BOP1: variants seen among roughly 807,000 people sequenced by gnomAD.
The protein encoded by BOP1 is BOP1 ribosomal biogenesis factor.
In BOP1, 54 loss-of-function variants were observed where a neutral mutation model predicts 82.9. That is an observed-to-expected ratio of 0.65 (90% CI 0.52 to 0.82). The LOEUF is 0.82. BOP1 is among the 40% of genes least tolerant of loss of function. The probability of loss-of-function intolerance (pLI) is 0.00; values close to 1 mark genes in which losing one functional copy is unlikely to be tolerated. For synonymous variants in BOP1, 566 were observed against 451.1 expected, an observed-to-expected ratio of 1.25 and a Z score of -3.23; for missense variants, 1,170 against 1,072.0, an observed-to-expected ratio of 1.09 and a Z score of -1.28.
chr8:144,263,949 T>A, intron 8 of BOP1, 32 bp downstream of exon 8: 1 of 1,611,318 alleles, frequency 6.2e-7, no homozygotes. Flanking sequence ...TTGCCCCCTG[T>A]GCCACCCCCC....
At chr8:144,286,258 T>C (rs1433450710) in intron 2 of BOP1, among the ~76,000 whole-genome samples, 2 of 152,224 alleles carry the variant, frequency 1.3e-5, no homozygotes, top group African/African-American at 2.4e-5. Flanking sequence ...GATCACACTT[T>C]AGAACTGAAA....
Position 144,263,989 on chromosome 8 carries a change from T to G in BOP1, c.1132A>C (p.Lys378Gln). The G allele has an allele frequency of 6.2e-7, 1 of 1,609,656 alleles. No individual in the cohort carries two copies. The highest frequency in any genetic ancestry group is 8.5e-7 in the Non-Finnish European group (1 of 1,179,732). The change falls in exon 8 of 16, where the codon AAG becomes CAG. Residue 378 changes from lysine (K) to glutamine (Q), a missense_variant. By Grantham distance (53) the Lys-to-Gln change is moderately conservative (BLOSUM62 1). Transcript: ENST00000569669. ...GTGCCACCCCCACACACCCTCATCT[T>G]GCGCTGCCGTGGGCACAGGTACAGG... ...LDLYLCPRQR[K>Q]MRVNVDPEDL...
rs1296600387 is a variant in BOP1, at chr8:144,266,480, G to A, written c.391-1409C>T. ...CCCGGGACGCACATGTGCGCGCGAC[G>A]CCCGGCAGCTGCCACCGCGGGGCGC... On this transcript the variant is annotated intron_variant, in intron 3 of 15. Coordinates refer to ENST00000569669, the MANE Select transcript of BOP1 (RefSeq NM_015201.5). 87 of 984,894 alleles carry A rather than the reference G, an allele frequency of 8.8e-5. No individual in the cohort carries two copies. In the African/African-American group the frequency reaches 1.4e-3, roughly 16 times the overall value. 61.0% of individuals were successfully genotyped at this position (984,894 alleles called of 1,614,324 possible). A position where few individuals can be genotyped will look rare whatever the true frequency, so the allele number is the denominator to read the frequency against.
chr8:144,274,861 CAAATATAA>C (rs1227186021), intron 3 of BOP1, among the ~76,000 whole-genome samples: 1 of 152,200 alleles, frequency 6.6e-6, no homozygotes, highest in African/African-American at 2.4e-5. Flanking sequence ...CTCAAAATAC[CAAATATAA>C]AAAAGTAGCC....
chr8:144,265,096 G>C (rs1688016587), intron 3 of BOP1, 25 bp from the exon 4 acceptor site: 4 of 1,599,870 alleles, frequency 2.5e-6, no homozygotes, highest in African/African-American at 2.7e-5. Flanking sequence ...CACCATGTCG[G>C]CATCTGATCC....
chr8:144,264,118 G>A lies in BOP1; in HGVS notation c.1003C>T (p.Pro335Ser). 6.2e-7 allele frequency: 1 copy of A among 1,610,470 alleles called. No homozygotes were observed. The change falls in exon 8 of 16, where the codon CCA (proline) becomes TCA (serine). Residue 335 changes from proline (P) to serine (S), a missense_variant. By Grantham distance (74) the Pro-to-Ser change is moderately conservative. Transcript: ENST00000569669. ...EERLAWEQQE[P>S]GERKLSFLPR... The stretch of plus-strand genomic sequence containing the variant: ...AAAAAGCTCAGCTTCCTCTCGCCTG[G>A]CTCCTGCTGTTCCCACGCCAAGCGC...
rs774019265 is a variant in BOP1 at position 144,270,716 on chromosome 8, G to T, written c.390+5508C>A. 1.8e-4 allele frequency among the ~76,000 whole-genome samples: 27 copies of T among 152,238 alleles called. 1 individual carries two copies. Among genetic ancestry groups the T allele is most frequent in the African/African-American group, 6.5e-4 (27 of 41,548 alleles). ...AATCCACTCGTAGCTCACAGCCGCC[G>T]GGCAGACGAGTGGCAGGTGCTCCCT... On this transcript the variant is annotated intron_variant, in intron 3 of 15. Transcript: ENST00000569669.
chr8:144,283,651 C>A lies in BOP1; in HGVS notation c.309+5444G>T, dbSNP rs375514437. 1.4e-4 allele frequency among the ~76,000 whole-genome samples: 22 copies of A among 152,158 alleles called. No individual in the cohort carries two copies. The East Asian group carries it at 2.1e-3, about 15-fold the overall frequency. ...TTTTATTTTTATTTTTTCAGTTAAG[C>A]CCAGCTGTGCGAGCCTCATTCTTAA... On this transcript the variant is annotated intron_variant, in intron 2 of 15. Transcript: ENST00000569669.
chr8:144,276,079 C>G (rs1845563850), intron 3 of BOP1, 145 bp downstream of exon 3: 1 of 898,552 alleles, frequency 1.1e-6, no homozygotes, highest in African/African-American at 1.6e-5. Flanking sequence ...GCAGGACGCC[C>G]ACGTGGGCCT....
rs931425958 is a variant in BOP1 at position 144,264,134 on chromosome 8, C to T, written c.987G>A (p.Ala329=). The T allele has an allele frequency of 1.7e-4, 268 of 1,610,614 alleles. No individual in the cohort carries two copies. The highest frequency in any genetic ancestry group is 1.9e-4 in the Non-Finnish European group (221 of 1,179,358). Residue 329 remains alanine, a synonymous_variant, in exon 8 of 16, where the codon GCG becomes GCA. Transcript: ENST00000569669. The part of the protein sequence containing the change: ...EYLLSEEERL[A]WEQQEPGERK... ...TCTCGCCTGGCTCCTGCTGTTCCCA[C>T]GCCAAGCGCTGTGGAGACCAAGACA...
intron 2 of BOP1, among the ~76,000 whole-genome samples, chr8:144,285,267 G>A (rs1311260146): frequency 1.3e-5 from 2 of 152,186 alleles, no homozygotes; most frequent in East Asian, 3.9e-4. Flanking sequence ...TCCCTGAGGT[G>A]TCCGTGACAT....
rs1046371537 is a variant in BOP1, at chr8:144,262,134, G to A, written c.*30C>T. The A allele has an allele frequency of 3.8e-5, 62 of 1,611,118 alleles. No individual in the cohort carries two copies. The highest frequency in any genetic ancestry group is 1.9e-4 in the Middle Eastern group (1 of 5,292). On this transcript the variant is annotated 3_prime_UTR_variant, in exon 16 of 16. Transcript: ENST00000569669. ...GTAAAGGCTCTGTTGACTTCAGCACGACCACCCCAGCCCCAGGCAGGCAGA... is the reference window on the plus strand; with the variant it reads ...GTAAAGGCTCTGTTGACTTCAGCACAACCACCCCAGCCCCAGGCAGGCAGA...
rs1262947198 is a variant in BOP1, at chr8:144,263,288, G to A, written c.1538C>T (p.Ala513Val). 2.9e-5 allele frequency: 46 copies of A among 1,594,140 alleles called. No individual in the cohort carries two copies. Among genetic ancestry groups the A allele is most frequent in the Middle Eastern group, 4.4e-4 (2 of 4,578 alleles). ...VPPEEPPLQP[A>V]RWLEASEEER... The stretch of plus-strand genomic sequence containing the variant: ...CTCCTCTGAGGCCTCCAGCCAGCGG[G>A]CCGGCTGCAAGGGGGGCTCCTCAGG... The change falls in exon 12 of 16, where the codon GCC (alanine) becomes GTC (valine). Residue 513 changes from alanine to valine, a missense_variant. Coordinates refer to ENST00000569669, the MANE Select transcript of BOP1 (RefSeq NM_015201.5).
intron 3 of BOP1, chr8:144,266,801 G>A (rs1845380253): frequency 3.5e-6 from 4 of 1,135,052 alleles, no homozygotes; most frequent in African/African-American, 1.7e-5. Context: ...CGGGCCGGGG[G>A]CGGGGGGCCA....
In BOP1 at chr8:144,291,282, G is replaced by T; in HGVS notation, c.89C>A (p.Pro30His). Residue 30 changes from proline to histidine, a missense_variant, in exon 1 of 16, where the codon CCC becomes CAC. Coordinates refer to ENST00000569669, the MANE Select transcript of BOP1 (RefSeq NM_015201.5). This position sits in a 1 kb window ranked among gnomAD's most constrained non-coding sequence, Gnocchi z 4.1. ...CATCGCCACAGTCACCTCCGGCTCGGGCTCAGGCTCCAGTTCGGGCTCAGA... is the reference window on the plus strand; with the variant it reads ...CATCGCCACAGTCACCTCCGGCTCGTGCTCAGGCTCCAGTTCGGGCTCAGA... ...RRSEPELEPE[P>H]EPEPPLLCTS... The T allele has an allele frequency of 6.8e-7, 1 of 1,461,740 alleles. No individual in the cohort carries two copies. The allele number at this position is 1,461,740 out of a possible 1,614,324, so 90.5% of individuals were successfully genotyped here.
intron 3 of BOP1, chr8:144,267,274 C>A (rs1188473291): frequency 1.5e-6 from 2 of 1,371,076 alleles, no homozygotes; most frequent in Non-Finnish European, 1.9e-6. Flanking sequence ...ACGGGCAGGG[C>A]TCCCCAACAG....
At chr8:144,267,634 C>T (rs1458169346) in intron 3 of BOP1, among the ~76,000 whole-genome samples, 8 of 152,218 alleles carry the variant, frequency 5.3e-5, no homozygotes, top group African/African-American at 1.7e-4. Context: ...CACCTGCTGT[C>T]CGTCCCCCAC....
Position 144,268,235 on chromosome 8 carries a change from G to A in BOP1, c.391-3164C>T, listed in dbSNP as rs1171705979. 2.0e-6 allele frequency: 3 copies of A among 1,522,644 alleles called. No homozygotes were observed. The African/African-American group carries it at 4.1e-5, about 21-fold the overall frequency. 94.3% of individuals were successfully genotyped at this position (1,522,644 alleles called of 1,614,324 possible). ...CAGCCCCCACCTTGGACCTGAGCTG[G>A]GCAAGGCCCACCGCAAGCATGCCCC... is the stretch of plus-strand genomic sequence containing the variant. On this transcript the variant is annotated intron_variant, in intron 3 of 15. Transcript: ENST00000569669.
chr8:144,268,813 C>CTGTAA (rs1564597104), intron 3 of BOP1, among the ~76,000 whole-genome samples: 2 of 141,258 alleles, frequency 1.4e-5, no homozygotes, highest in African/African-American at 5.4e-5. Flanking sequence ...AGGGAGGCAG[C>CTGTAA]GGCAGGGACA....
Sources: gnomAD v4.1 joint callset for allele counts (sites outside exome capture counted in the v4.1 genomes callset) on GRCh38, gnomAD v4.1.1 for gene constraint, Gnocchi (gnomAD v3.1) non-coding constraint, MANE v1.5 for transcripts, NCBI Gene and HGNC (gene_info 2026-07-23, HGNC 2026-07-21) for gene names.